The following CFAP61 variants were observed in gnomAD, a reference collection of about 807,000 sequenced individuals.
CFAP61 encodes the protein cilia and flagella associated protein 61, also known as cilia- and flagella-associated protein 61.
Under a neutral mutation model 135.6 loss-of-function variants are expected in CFAP61, and 107 were observed. The ratio of observed to expected loss-of-function variants is 0.79; its 90% CI spans 0.67 to 0.93. The LOEUF (loss-of-function observed/expected upper bound fraction) is 0.93, where lower values mean the gene tolerates loss of function less well. Ranked by LOEUF, CFAP61 falls within the 40% of genes least tolerant of loss-of-function variation. CFAP61 has a pLI of 0.00. For synonymous variants in CFAP61, 575 were observed against 578.5 expected, an observed-to-expected ratio of 0.99 and a Z score of 0.09; for missense variants, 1,507 against 1,556.2, an observed-to-expected ratio of 0.97 and a Z score of 0.53.
At chr20:20,250,111 C>A (rs1321477184) in intron 19 of CFAP61, among the ~76,000 whole-genome samples, 5 of 152,200 alleles carry the variant, frequency 3.3e-5, no homozygotes, top group Non-Finnish European at 7.3e-5. Flanking sequence ...AATATGCCCC[C>A]ATGACTAGAA....
At chr20:20,072,670 A>G (rs769543651) in intron 3 of CFAP61, among the ~76,000 whole-genome samples, 19 of 152,324 alleles carry the variant, frequency 1.2e-4, no homozygotes, top group Non-Finnish European at 2.2e-4. Flanking sequence ...CTTCTATGAC[A>G]GTATAGTGCT....
chr20:20,195,594 A>G (rs2146883999), intron 15 of CFAP61, among the ~76,000 whole-genome samples: 1 of 150,246 alleles, frequency 6.7e-6, no homozygotes, highest in South Asian at 2.1e-4. Context: ...GGGGACCAGA[A>G]CTGGGCCTGT....
At chr20:20,229,590 T>C (rs539445963) in intron 18 of CFAP61, among the ~76,000 whole-genome samples, 51 of 152,224 alleles carry the variant, frequency 3.4e-4, no homozygotes, top group African/African-American at 1.1e-3. Context: ...AGCAAATGGA[T>C]GGAGGAAATG....
At chr20:20,148,477 A>C (rs1287883627) in intron 9 of CFAP61, among the ~76,000 whole-genome samples, 1 of 152,022 alleles carries the variant, frequency 6.6e-6, no homozygotes, top group Admixed American at 6.6e-5. Flanking sequence ...TCCTTGGTTA[A>C]GTATATTCCT....
chr20:20,108,162 T>G (rs1244500056), intron 8 of CFAP61, among the ~76,000 whole-genome samples: 1 of 152,214 alleles, frequency 6.6e-6, no homozygotes. Context: ...CAAGAAGCAC[T>G]GTAATGAGCA....
At chr20:20,200,322 C>T (rs985991359) in intron 17 of CFAP61, among the ~76,000 whole-genome samples, 6 of 152,132 alleles carry the variant, frequency 3.9e-5, no homozygotes, top group South Asian at 2.1e-4. Flanking sequence ...TGGCTGCATT[C>T]GAGATGTTTG....
chr20:20,127,360 G>A (rs1014318952), intron 8 of CFAP61, among the ~76,000 whole-genome samples: 2 of 151,774 alleles, frequency 1.3e-5, no homozygotes, highest in Non-Finnish European at 2.9e-5. Context: ...CTGTCAGAGG[G>A]AAAGTCTAGG....
intron 20 of CFAP61, among the ~76,000 whole-genome samples, chr20:20,259,050 C>T (rs2051919715): frequency 6.6e-6 from 1 of 152,104 alleles, no homozygotes; most frequent in Admixed American, 6.5e-5. Flanking sequence ...TGGTGCAGGG[C>T]TTATACTTGA....
At chr20:20,174,732 C>T (rs1186478645) in intron 13 of CFAP61, among the ~76,000 whole-genome samples, 1 of 148,390 alleles carries the variant, frequency 6.7e-6, no homozygotes, top group Non-Finnish European at 1.5e-5. Flanking sequence ...GGAGAGCAAC[C>T]CCCACCCTTA....
intron 24 of CFAP61, among the ~76,000 whole-genome samples, chr20:20,296,330 T>A (rs199668471): frequency 2.5e-5 from 1 of 39,524 alleles, no homozygotes. Context: ...TTCCTTCCCT[T>A]CCTTCCTTCC....
chr20:20,316,821 G>T (rs1247050228), intron 25 of CFAP61: 1 of 145,372 alleles, frequency 6.9e-6, no homozygotes, highest in African/African-American at 2.5e-5. Context: ...GGCAGAGTTT[G>T]CAGTGAGCCA....
rs758641008 is a variant in CFAP61, at chr20:20,052,763, A to G, written c.-37+172A>G. On this transcript the variant is annotated intron_variant, in intron 1 of 26. Transcript: ENST00000245957. Reference sequence around the variant, plus strand: ...AACGGAGCTCCAATCTGGATGCTCGAGGGCGGGGGAAGAAGGGAGAGCGAG... The same window carrying G: ...AACGGAGCTCCAATCTGGATGCTCGGGGGCGGGGGAAGAAGGGAGAGCGAG... The G allele has an allele frequency of 5.8e-6, 9 of 1,548,918 alleles. No homozygotes were observed. In the South Asian group the frequency reaches 5.9e-5, roughly 10 times the overall value.
Position 20,052,622 on chromosome 20 carries a change from G to T in CFAP61, c.-37+31G>T, listed in dbSNP as rs761193049. On this transcript the variant is annotated intron_variant, in intron 1 of 26. Transcript: ENST00000245957. ...TAACGCCGTGCTGACTAGCAGCGAC[G>T]CAAGGACTGCGGTGCAGGGCGTCCA... 96 of 1,613,648 alleles carry T rather than the reference G, an allele frequency of 5.9e-5. 1 individual carries two copies. The Middle Eastern group carries it at 1.7e-3, about 28-fold the overall frequency.
intron 14 of CFAP61, among the ~76,000 whole-genome samples, chr20:20,189,418 CTG>C (rs1460425364): frequency 2.0e-5 from 3 of 152,230 alleles, no homozygotes; most frequent in Non-Finnish European, 4.4e-5. Context: ...AAGGTAAAAA[CTG>C]TTTTATTCCT....
chr20:20,179,285 CA>C (rs905330958), intron 13 of CFAP61, among the ~76,000 whole-genome samples: 1 of 152,020 alleles, frequency 6.6e-6, no homozygotes, highest in South Asian at 2.1e-4. Context: ...ACAATTGCCA[CA>C]AAAAATAAAT....
chr20:20,090,842 AG>A lies in CFAP61; in HGVS notation c.568del. 6.2e-7 allele frequency: 1 copy of A among 1,614,090 alleles called. No individual in the cohort carries two copies. The highest frequency in any genetic ancestry group is 2.2e-5 in the East Asian group (1 of 44,876). ...CTGAACTTCAGCCTTTCTATTAAAC[AG>A]GGTGGAAGACCATGACGATCTCATG... On this transcript the variant is annotated splice_acceptor_variant, in intron 6 of 26. Transcript: ENST00000245957. LOFTEE classifies it high-confidence loss of function.
At position 20,187,990 on chromosome 20, in the gene CFAP61, C is replaced by T; in HGVS notation, c.1446C>T (p.Ser482=). The T allele has an allele frequency of 1.9e-6, 3 of 1,613,802 alleles. No individual in the cohort carries two copies. The highest frequency in any genetic ancestry group is 2.5e-6 in the Non-Finnish European group (3 of 1,179,686). The change falls in exon 14 of 27, where the codon AGC becomes AGT. Residue 482 remains serine (S), a synonymous_variant. Coordinates refer to ENST00000245957, the MANE Select transcript of CFAP61 (RefSeq NM_015585.4). ...LDTPGVENLV[S]TLMLNKSILE... is the part of the protein sequence containing the mutation. ...CTCCTGGTGTGGAAAATCTTGTCAG[C>T]ACCCTCATGTTGAATAAAAGCATAT...
At chr20:20,296,651 GT>G (rs2147080631) in intron 24 of CFAP61, among the ~76,000 whole-genome samples, 1 of 152,158 alleles carries the variant, frequency 6.6e-6, no homozygotes, top group South Asian at 2.1e-4. Flanking sequence ...GCTGCAGATA[GT>G]CAAATAACTG....
rs147126511 is a variant in CFAP61 at position 20,120,596 on chromosome 20, T to C, written c.859+21782T>C. ...GTTTCATGTGCTGTTGAAAACAATG[T>C]GTATTCTGCAGCAGCTGGTTGAAAT... On this transcript the variant is annotated intron_variant, in intron 8 of 26. Coordinates refer to ENST00000245957, the MANE Select transcript of CFAP61 (RefSeq NM_015585.4). Among the ~76,000 whole-genome samples, 278 of 152,336 alleles carry C rather than the reference T, an allele frequency of 1.8e-3. 1 individual carries two copies. Among genetic ancestry groups the C allele is most frequent in the African/African-American group, 6.5e-3 (270 of 41,576 alleles).
Sources: gnomAD v4.1 joint callset for allele counts (sites outside exome capture counted in the v4.1 genomes callset) on GRCh38, gnomAD v4.1.1 for gene constraint, MANE v1.5 for transcripts, NCBI Gene and HGNC (gene_info 2026-07-23, HGNC 2026-07-21) for gene names.